TRIM33: variants seen among roughly 807,000 people sequenced by gnomAD.
The protein encoded by TRIM33 is E3 ubiquitin-protein ligase TRIM33.
Under a neutral mutation model 125.4 loss-of-function variants are expected in TRIM33, and 20 were observed. That is an observed-to-expected ratio of 0.16 (90% CI 0.11 to 0.23). The LOEUF is 0.23. TRIM33 is among the 10% of genes least tolerant of loss of function. The pLI is 1.00. For missense variants in TRIM33, 920 were observed against 1,411.4 expected (o/e 0.65, Z 5.58); for synonymous variants, 564 against 513.9 (o/e 1.10, Z -1.32).
intron 4 of TRIM33, among the ~76,000 whole-genome samples, chr1:114,443,530 C>T (rs1648790178): frequency 6.6e-6 from 1 of 152,152 alleles, no homozygotes; most frequent in Non-Finnish European, 1.5e-5. Flanking sequence ...GGCCACTGCA[C>T]CCTGATGAAA....
Position 114,424,684 on chromosome 1 carries a change from C to T in TRIM33, c.1767G>A (p.Gln589=). The part of the protein sequence containing the change: ...NMNCGAFQAH[Q]MRLAQNAARI... ...TGGCAGCATTCTGAGCCAGTCTCAT[C>T]TGATGGGCTTGAAAAGCTCCACAGT... The change falls in exon 10 of 20, where the codon CAG becomes CAA. Residue 589 remains glutamine, a synonymous_variant. Coordinates refer to ENST00000358465, the MANE Select transcript of TRIM33 (RefSeq NM_015906.4). The T allele has an allele frequency of 6.2e-7, 1 of 1,611,800 alleles. No individual in the cohort carries two copies. The highest frequency in any genetic ancestry group is 8.5e-7 in the Non-Finnish European group (1 of 1,178,688).
At chr1:114,406,804 ATATCTGGCTTGTG>A (rs1435635649) in intron 14 of TRIM33, 124 bp downstream of exon 14, 15 of 778,540 alleles carry the variant, frequency 1.9e-5, no homozygotes, top group Admixed American at 1.2e-4. Context: ...AGAAAAAGAG[ATATCTGGCTTGTG>A]CCAGGCATGA....
At chr1:114,476,477 T>A (rs1413744367) in intron 1 of TRIM33, among the ~76,000 whole-genome samples, 1 of 152,060 alleles carries the variant, frequency 6.6e-6, no homozygotes, top group Non-Finnish European at 1.5e-5. Flanking sequence ...AACTTAGTTC[T>A]TTCCTTGACA....
intron 15 of TRIM33, among the ~76,000 whole-genome samples, chr1:114,404,158 G>A (rs925752874): frequency 5.9e-5 from 9 of 151,880 alleles, no homozygotes; most frequent in African/African-American, 9.7e-5. Flanking sequence ...TTTTAGAGAC[G>A]GAGTCCTGCT....
At chr1:114,459,044 A>T (rs776653857) in intron 4 of TRIM33, among the ~76,000 whole-genome samples, 1 of 152,208 alleles carries the variant, frequency 6.6e-6, no homozygotes, top group Non-Finnish European at 1.5e-5. Flanking sequence ...ATTTTAGTAT[A>T]TATTTGTTCT....
intron 4 of TRIM33, among the ~76,000 whole-genome samples, chr1:114,449,839 A>G (rs1191014662): frequency 2.0e-5 from 3 of 152,154 alleles, no homozygotes; most frequent in Non-Finnish European, 4.4e-5. Flanking sequence ...TTTAATAGAC[A>G]TGGTTCCATT....
At chr1:114,428,493 T>G (rs1022749628) in intron 6 of TRIM33, among the ~76,000 whole-genome samples, 3 of 152,202 alleles carry the variant, frequency 2.0e-5, no homozygotes, top group African/African-American at 7.2e-5. Flanking sequence ...AACTGCTTTA[T>G]GGGAACTAAA....
chr1:114,501,177 G>A lies in TRIM33; in HGVS notation c.526+9374C>T, dbSNP rs1047498559. ...TGCACTCCAGCCTGGGCGACAGAGCGAGACTCCGTCTCAAAAAAAAAAAAA... is the reference window on the plus strand; with the variant it reads ...TGCACTCCAGCCTGGGCGACAGAGCAAGACTCCGTCTCAAAAAAAAAAAAA... On this transcript the variant is annotated intron_variant, in intron 1 of 19. Coordinates refer to ENST00000358465, the MANE Select transcript of TRIM33 (RefSeq NM_015906.4). 7.0e-4 allele frequency among the ~76,000 whole-genome samples: 41 copies of A among 58,784 alleles called. 6 individuals are homozygous for A. Among genetic ancestry groups the A allele is most frequent in the Admixed American group, 1.3e-3 (9 of 6,992 alleles). 38.6% of individuals were successfully genotyped at this position (58,784 alleles called of 152,430 possible). A position where few individuals can be genotyped will look rare whatever the true frequency, so the allele number is the denominator to read the frequency against.
chr1:114,403,955 T>C (rs921388357), intron 15 of TRIM33, among the ~76,000 whole-genome samples: 2 of 151,454 alleles, frequency 1.3e-5, no homozygotes, highest in Non-Finnish European at 2.9e-5. Context: ...TAAGCCACTA[T>C]GCCCGGCTAC....
chr1:114,405,227 C>G (rs1381390397), intron 15 of TRIM33, 183 bp downstream of exon 15: 11 of 556,402 alleles, frequency 2.0e-5, no homozygotes, highest in Non-Finnish European at 3.2e-5. Context: ...CATTAATGTA[C>G]TACTTAGATC....
At chr1:114,417,901 C>T (rs1465564534) in intron 11 of TRIM33, among the ~76,000 whole-genome samples, 1 of 152,174 alleles carries the variant, frequency 6.6e-6, no homozygotes, top group East Asian at 1.9e-4. Context: ...GGTGATCTGC[C>T]TGCCTCAGCC....
intron 1 of TRIM33, among the ~76,000 whole-genome samples, chr1:114,495,366 T>C (rs1259332612): frequency 6.6e-6 from 1 of 152,170 alleles, no homozygotes; most frequent in African/African-American, 2.4e-5. Flanking sequence ...TTTACCACAT[T>C]ACCTCGGTGG....
At chr1:114,400,719 C>T (rs1651819512) in intron 17 of TRIM33, among the ~76,000 whole-genome samples, 1 of 152,140 alleles carries the variant, frequency 6.6e-6, no homozygotes. Flanking sequence ...TCTAACAGGC[C>T]TGGTATGTAA....
intron 6 of TRIM33, 43 bp downstream of exon 6, chr1:114,430,755 G>A (rs1363125278): frequency 2.0e-6 from 2 of 1,012,918 alleles, no homozygotes; most frequent in Non-Finnish European, 3.1e-6. Context: ...CAGCTAAAGA[G>A]CAAGAGAAGC....
intron 4 of TRIM33, among the ~76,000 whole-genome samples, chr1:114,461,017 G>A (rs1185145966): frequency 2.6e-5 from 4 of 151,486 alleles, no homozygotes; most frequent in African/African-American, 7.3e-5. Context: ...GAACCGCCCC[G>A]CCCCACCCCC....
At chr1:114,425,995 A>C (rs2101161409) in intron 8 of TRIM33, among the ~76,000 whole-genome samples, 1 of 152,268 alleles carries the variant, frequency 6.6e-6, no homozygotes, top group African/African-American at 2.4e-5. Flanking sequence ...AAGACAGTAA[A>C]AGAGATTATC....
chr1:114,438,456 C>T (rs1648446017), intron 4 of TRIM33, among the ~76,000 whole-genome samples: 1 of 152,148 alleles, frequency 6.6e-6, no homozygotes, highest in Non-Finnish European at 1.5e-5. Flanking sequence ...CACTCCATCC[C>T]TTAGACTACT....
intron 4 of TRIM33, among the ~76,000 whole-genome samples, chr1:114,449,184 G>C (rs754675015): frequency 3.3e-5 from 5 of 151,798 alleles, no homozygotes; most frequent in African/African-American, 1.2e-4. Context: ...GTAAAAAGAC[G>C]TATCTCATAC....
At chr1:114,490,255 A>G (rs1377255050) in intron 1 of TRIM33, among the ~76,000 whole-genome samples, 1 of 152,170 alleles carries the variant, frequency 6.6e-6, no homozygotes, top group East Asian at 1.9e-4. Flanking sequence ...ATTTCATCAG[A>G]GAAGATATAC....
Sources: gnomAD v4.1 joint callset for allele counts (sites outside exome capture counted in the v4.1 genomes callset) on GRCh38, gnomAD v4.1.1 for gene constraint, MANE v1.5 for transcripts, NCBI Gene and HGNC (gene_info 2026-07-23, HGNC 2026-07-21) for gene names.